PAK6: variants seen among roughly 807,000 people sequenced by gnomAD.
PAK6 encodes p21 (RAC1) activated kinase 6, also known as serine/threonine-protein kinase PAK 6.
In PAK6, 33 loss-of-function variants were observed where a neutral mutation model predicts 60.8. The observed-to-expected ratio is 0.54, with a 90% CI of 0.41 to 0.73. The LOEUF is 0.73. Among genes scored for constraint, PAK6 ranks in the 30% least tolerant of loss-of-function variants. PAK6 has a pLI of 0.00. For missense variants in PAK6, 845 were observed against 904.1 expected (o/e 0.93, Z 0.84); for synonymous variants, 404 against 378.5 (o/e 1.07, Z -0.78).
At chr15:40,251,300 T>C (rs1431523551) in intron 2 of PAK6, 1 of 152,238 alleles carries the variant, frequency 6.6e-6, no homozygotes, top group Non-Finnish European at 1.5e-5. Flanking sequence ...CCTGGCACCA[T>C]GCTTTCCCTA....
chr15:40,269,945 G>A (rs950903900), intron 5 of PAK6, among the ~76,000 whole-genome samples: 2 of 152,250 alleles, frequency 1.3e-5, no homozygotes, highest in East Asian at 1.9e-4. Flanking sequence ...AAGGCCAGGA[G>A]GGGAATGATC....
chr15:40,261,620 C>T (rs1375657483), intron 3 of PAK6, among the ~76,000 whole-genome samples: 3 of 152,124 alleles, frequency 2.0e-5, no homozygotes, highest in Admixed American at 6.5e-5. Context: ...TAGATTCTCC[C>T]GCATTTTCTA....
chr15:40,251,100 A>G, intron 2 of PAK6: 1 of 152,480 alleles, frequency 6.6e-6, no homozygotes. Flanking sequence ...AGTATTGTCC[A>G]CTCAGAGGAA....
chr15:40,273,696 C>A lies in PAK6; in HGVS notation c.1743+20C>A. On this transcript the variant is annotated intron_variant, in intron 9 of 10. Coordinates refer to ENST00000560346, the Ensembl canonical transcript of PAK6. ...ACTGAGGTAACCGTTCCCTCCACCC[C>A]CCAGACCTCCCAAAAGCAACTTGGC... 2.5e-6 allele frequency: 4 copies of A among 1,608,942 alleles called. No homozygotes were observed. Among genetic ancestry groups the A allele is most frequent in the Non-Finnish European group, 3.4e-6 (4 of 1,176,990 alleles).
At chr15:40,258,859 CAGAAG>C (rs1389953847) in intron 3 of PAK6, 1 of 131,704 alleles carries the variant, frequency 7.6e-6, no homozygotes, top group Non-Finnish European at 1.8e-5. Context: ...TGCAGACATC[CAGAAG>C]AGAAAAGTTC....
exon 10 of PAK6, chr15:40,274,206 G>A (rs1216359341): frequency 6.2e-7 from 1 of 1,613,910 alleles, no homozygotes; most frequent in South Asian, 1.1e-5. Flanking sequence ...CCGTACTTCA[G>A]TGACTCCCCA....
Position 40,261,877 on chromosome 15 carries a change from C to G in PAK6, c.-5-2904C>G, listed in dbSNP as rs28583146. On this transcript the variant is annotated intron_variant, in intron 3 of 10. Coordinates refer to ENST00000560346, the Ensembl canonical transcript of PAK6. ...GGGCTGTCCTTCTTTCTTCTCCAGC[C>G]TCCCTGCTGCCTCTGGGAAGAACTT... is the stretch of plus-strand genomic sequence containing the variant. Among the ~76,000 whole-genome samples the G allele has an allele frequency of 7.4e-3, 1,133 of 152,332 alleles. 5 individuals are homozygous for G. The highest frequency in any genetic ancestry group is 0.014 in the Middle Eastern group (4 of 294).
chr15:40,264,655 GA>G (rs2039070635), intron 3 of PAK6, 125 bp from the exon 4 acceptor site: 1 of 756,754 alleles, frequency 1.3e-6, no homozygotes, highest in African/African-American at 1.7e-5. Context: ...GAGGTGGAGG[GA>G]AGCCCTAGGC....
At position 40,240,189 on chromosome 15, in the gene PAK6, G is replaced by C. The variant is rs148025232; in HGVS notation, c.-201+387G>C. 83 of 159,044 alleles carry C rather than the reference G, an allele frequency of 5.2e-4. 1 individual carries two copies. In the East Asian group the frequency reaches 9.2e-3, roughly 18 times the overall value. 9.9% of individuals were successfully genotyped at this position (159,044 alleles called of 1,614,324 possible). A position where few individuals can be genotyped will look rare whatever the true frequency, so the allele number is the denominator to read the frequency against. ...CTGCCCCTTCATTCTGGCAGGCCTG[G>C]GTACCAAGGAAACAGCTTCCTACCA... On this transcript the variant is annotated intron_variant, in intron 1 of 10. Transcript: ENST00000560346.
At chr15:40,261,300 A>G (rs956566573) in intron 3 of PAK6, among the ~76,000 whole-genome samples, 3 of 151,658 alleles carry the variant, frequency 2.0e-5, no homozygotes, top group Non-Finnish European at 4.4e-5. Context: ...GCACTTTGGG[A>G]GGCTGAGGCG....
At chr15:40,244,878 C>T (rs1394555461) in intron 2 of PAK6, 1 of 152,250 alleles carries the variant, frequency 6.6e-6, no homozygotes, top group Non-Finnish European at 1.5e-5. Flanking sequence ...GCCTCAGCCC[C>T]AGCAAAGGGA....
At chr15:40,239,140 G>T (rs950199452), upstream of PAK6, 1 of 152,258 alleles carries the variant, frequency 6.6e-6, no homozygotes, top group Non-Finnish European at 1.5e-5. Context: ...CCCAAAGTGA[G>T]CCGGGGCGCG....
At chr15:40,256,004 C>T (rs1459161926) in intron 3 of PAK6, among the ~76,000 whole-genome samples, 1 of 152,140 alleles carries the variant, frequency 6.6e-6, no homozygotes, top group Non-Finnish European at 1.5e-5. Flanking sequence ...TCTCGTTTAC[C>T]ATGGTCCCCA....
intron 3 of PAK6, among the ~76,000 whole-genome samples, chr15:40,258,111 G>A (rs1216614296): frequency 6.6e-6 from 1 of 152,204 alleles, no homozygotes; most frequent in Non-Finnish European, 1.5e-5. Context: ...CTTGCTGAGT[G>A]GAAAAACACC....
At chr15:40,252,507 G>T in intron 2 of PAK6, 1 of 1,363,536 alleles carries the variant, frequency 7.3e-7, no homozygotes, top group Non-Finnish European at 9.8e-7. Flanking sequence ...CCGCGCTCTG[G>T]GTTCGCCGCC....
chr15:40,261,635 C>A (rs1397012927), intron 3 of PAK6, among the ~76,000 whole-genome samples: 1 of 152,178 alleles, frequency 6.6e-6, no homozygotes, highest in Non-Finnish European at 1.5e-5. Flanking sequence ...TTTCTACTTA[C>A]ACAGTTATGT....
chr15:40,240,562 C>CTTTTCCTT (rs2038296252), intron 1 of PAK6, 37 bp from the exon 2 acceptor site: 2 of 320,510 alleles, frequency 6.2e-6, no homozygotes, highest in South Asian at 4.3e-5. Flanking sequence ...TTTTCTTTTC[C>CTTTTCCTT]TTTTTTTTTT....
intron 3 of PAK6, among the ~76,000 whole-genome samples, chr15:40,261,030 A>G (rs1287462361): frequency 6.6e-6 from 1 of 151,696 alleles, no homozygotes; most frequent in Non-Finnish European, 1.5e-5. Flanking sequence ...CTGGGACTAC[A>G]GGTGCCCACC....
In PAK6 at chr15:40,274,196, C is replaced by T. The variant is rs1436025283; in HGVS notation, c.1798C>T (p.Pro600Ser). ...GATTGAGATGGTAGATGGGGAGCCA[C>T]CGTACTTCAGTGACTCCCCAGTGCA... The change falls in exon 10 of 11, where the codon CCG (proline) becomes TCG (serine). Residue 600 changes from proline (P) to serine (S), a missense_variant. Coordinates refer to ENST00000560346, the Ensembl canonical transcript of PAK6. 3 of 1,613,974 alleles carry T rather than the reference C, an allele frequency of 1.9e-6. No individual in the cohort carries two copies. In the East Asian group the frequency reaches 6.7e-5, roughly 36 times the overall value.
Sources: allele counts gnomAD v4.1 joint callset (sites outside exome capture counted in the v4.1 genomes callset), GRCh38; gene constraint gnomAD v4.1.1; transcripts MANE v1.5; gene names NCBI Gene and HGNC (gene_info 2026-07-23, HGNC 2026-07-21).